The following SLC12A7 variants were observed in gnomAD, a reference collection of about 807,000 sequenced individuals.
SLC12A7 encodes the protein K-Cl cotransporter 4.
In SLC12A7, 100 loss-of-function variants were observed where a neutral mutation model predicts 120.6. The observed-to-expected ratio is 0.83, with a 90% CI of 0.71 to 0.98. The LOEUF is 0.98. SLC12A7 is among the 50% of genes least tolerant of loss of function. The pLI is 0.00. For missense variants in SLC12A7, 1,373 were observed against 1,548.1 expected, an observed-to-expected ratio of 0.89 and a Z score of 1.90; for synonymous variants, 760 against 678.0, an observed-to-expected ratio of 1.12 and a Z score of -1.88.
intron 7 of SLC12A7, among the ~76,000 whole-genome samples, chr5:1,084,737 AG>A: frequency 6.6e-6 from 1 of 152,242 alleles, no homozygotes; most frequent in East Asian, 1.9e-4. Context: ...GGGAGCCTCA[AG>A]GGGCTTGGCT....
At chr5:1,143,606 G>A in the SLC12A7 span, among the ~76,000 whole-genome samples, 1 of 152,176 alleles carries the variant, frequency 6.6e-6, no homozygotes, top group Non-Finnish European at 1.5e-5. Context: ...CTGGGGGCAC[G>A]ACTCAGTCGG....
chr5:1,086,395 A>G (rs1739863174), intron 6 of SLC12A7, among the ~76,000 whole-genome samples: 1 of 152,168 alleles, frequency 6.6e-6, no homozygotes, highest in Non-Finnish European at 1.5e-5. Flanking sequence ...AGGACCAAGG[A>G]ACTCAGGCCA....
rs372308140 is a variant in SLC12A7, at chr5:1,086,896, C to T, written c.675+7G>A. The T allele has an allele frequency of 2.4e-4, 381 of 1,612,280 alleles. 2 individuals are homozygous for T. Among genetic ancestry groups the T allele is most frequent in the Non-Finnish European group, 5.3e-5 (62 of 1,179,580 alleles). On this transcript the variant is annotated splice_region_variant and intron_variant, in intron 6 of 23. Transcript: ENST00000264930. ...GGGTGGGAACCCTTCCAAAGCAGCACACTTACCAGAAAAATCTCGATGGTC... is the reference window on the plus strand; with the variant it reads ...GGGTGGGAACCCTTCCAAAGCAGCATACTTACCAGAAAAATCTCGATGGTC...
At chr5:1,107,672 G>C (rs115502922) in intron 1 of SLC12A7, among the ~76,000 whole-genome samples, 1 of 152,196 alleles carries the variant, frequency 6.6e-6, no homozygotes, top group Non-Finnish European at 1.5e-5. Flanking sequence ...CAGACCACGG[G>C]AGAGGCACTG....
Position 1,088,313 on chromosome 5 carries a change from C to T in SLC12A7, c.537G>A (p.Val179=). 1 of 1,586,676 alleles carries T rather than the reference C, an allele frequency of 6.3e-7. No homozygotes were observed. The highest frequency in any genetic ancestry group is 8.6e-7 in the Non-Finnish European group (1 of 1,167,190). Residue 179 remains valine, a synonymous_variant, in exon 5 of 24, where the codon GTG becomes GTA. Coordinates refer to ENST00000264930, the MANE Select transcript of SLC12A7 (RefSeq NM_006598.3). ...ISMSAIATNG[V]VPAGGSYYMI... is the part of the protein sequence containing the mutation. ...CTGGCGGGCACCCCTTACCTGGGAC[C>T]ACACCGTTGGTAGCGATCGCACTCA...
At chr5:1,109,082 G>A (rs1271502136) in intron 1 of SLC12A7, among the ~76,000 whole-genome samples, 1 of 152,180 alleles carries the variant, frequency 6.6e-6, no homozygotes, top group East Asian at 1.9e-4. Flanking sequence ...CCCTCTCCCA[G>A]CCCAGGGAGC....
chr5:1,087,904 T>C (rs923475288), intron 5 of SLC12A7, among the ~76,000 whole-genome samples: 1 of 152,256 alleles, frequency 6.6e-6, no homozygotes, highest in African/African-American at 2.4e-5. Context: ...TTATTATGTA[T>C]TGTAATTAAC....
intron 1 of SLC12A7, among the ~76,000 whole-genome samples, chr5:1,099,927 G>A (rs778321951): frequency 1.3e-5 from 2 of 152,030 alleles, no homozygotes; most frequent in African/African-American, 2.4e-5. Flanking sequence ...GGCCTGGCCC[G>A]CCCCACTTCG....
chr5:1,057,254 C>T, intron 22 of SLC12A7: 1 of 532,052 alleles, frequency 1.9e-6, no homozygotes, highest in East Asian at 3.2e-5. Flanking sequence ...TAGAAGGATC[C>T]CTCAGCGCCC....
rs199991296 is a variant in SLC12A7, at chr5:1,074,689, G to A, written c.1968-18C>T. The A allele has an allele frequency of 9.9e-5, 159 of 1,610,680 alleles. No homozygotes were observed. Among genetic ancestry groups the A allele is most frequent in the East Asian group, 8.0e-4 (36 of 44,856 alleles). ...TCTCGGCCCTGTGGGAAAGGAAGTC[G>A]GGGTTTGTCCAGCCGCGTACCTGGA... On this transcript the variant is annotated intron_variant, in intron 15 of 23. Coordinates refer to ENST00000264930, the MANE Select transcript of SLC12A7 (RefSeq NM_006598.3).
intron 5 of SLC12A7, among the ~76,000 whole-genome samples, chr5:1,087,325 A>G (rs530217268): frequency 1.3e-5 from 2 of 152,314 alleles, no homozygotes; most frequent in South Asian, 2.1e-4. Flanking sequence ...GGTCCCAGAA[A>G]AAGTCCCGCG....
chr5:1,138,457 C>G, the SLC12A7 span, among the ~76,000 whole-genome samples: 2 of 152,294 alleles, frequency 1.3e-5, no homozygotes, highest in East Asian at 3.9e-4. Context: ...AATCCTTTAG[C>G]TAGACAGAAA....
the SLC12A7 span, among the ~76,000 whole-genome samples, chr5:1,139,981 C>T: frequency 5.9e-5 from 9 of 152,302 alleles, no homozygotes; most frequent in South Asian, 2.1e-4. Flanking sequence ...CGGACCAGGC[C>T]GGGACATGCT....
chr5:1,075,128 C>T (rs955868367), intron 15 of SLC12A7, among the ~76,000 whole-genome samples: 11 of 152,196 alleles, frequency 7.2e-5, no homozygotes, highest in Admixed American at 1.3e-4. Context: ...GAGGACGGCA[C>T]GAGACAGAGC....
chr5:1,140,715 C>T, the SLC12A7 span, among the ~76,000 whole-genome samples: 1 of 152,252 alleles, frequency 6.6e-6, no homozygotes. Context: ...AGGGCGGAGC[C>T]CAGGGCCCCG....
chr5:1,054,931 A>G lies in SLC12A7; in HGVS notation c.3027-1449T>C, dbSNP rs561348904. On this transcript the variant is annotated intron_variant, in intron 22 of 23. Transcript: ENST00000264930. ...GACTTCTGGATAGACCACAATTACCAGTGTGTTTGGGGACAAAGAGCAGCT... is the reference window on the plus strand; with the variant it reads ...GACTTCTGGATAGACCACAATTACCGGTGTGTTTGGGGACAAAGAGCAGCT... Among the ~76,000 whole-genome samples the G allele has an allele frequency of 5.3e-5, 8 of 152,298 alleles. No homozygotes were observed. The East Asian group carries it at 1.5e-3, about 29-fold the overall frequency.
chr5:1,099,829 C>T (rs773918363), intron 1 of SLC12A7, among the ~76,000 whole-genome samples: 4 of 152,208 alleles, frequency 2.6e-5, no homozygotes, highest in Non-Finnish European at 5.9e-5. Flanking sequence ...TTAAAACCAG[C>T]GATAGGAACG....
At chr5:1,073,365 C>G (rs1053441217) in intron 17 of SLC12A7, among the ~76,000 whole-genome samples, 9 of 152,206 alleles carry the variant, frequency 5.9e-5, no homozygotes, top group Non-Finnish European at 1.0e-4. Context: ...CGGCTCTGGA[C>G]GGGGCTCACC....
In SLC12A7 at chr5:1,088,445, CG is replaced by C. The variant is rs372806280; in HGVS notation, c.490-86del. ...CACTCCCAAGTCAGGGTCTATGACC[CG>C]GCTCCCGCCGAATGCCAGCCCCCAA... On this transcript the variant is annotated intron_variant, in intron 4 of 23. Coordinates refer to ENST00000264930, the MANE Select transcript of SLC12A7 (RefSeq NM_006598.3). 1.0e-4 allele frequency: 141 copies of C among 1,411,968 alleles called. No homozygotes were observed. The African/African-American group carries it at 1.6e-3, about 17-fold the overall frequency. The allele number at this position is 1,411,968 out of a possible 1,614,324, so 87.5% of individuals were successfully genotyped here. A position where few individuals can be genotyped will look rare whatever the true frequency, so the allele number is the denominator to read the frequency against.
Sources: allele counts gnomAD v4.1 joint callset (sites outside exome capture counted in the v4.1 genomes callset), GRCh38; gene constraint gnomAD v4.1.1; transcripts MANE v1.5; gene names NCBI Gene and HGNC (gene_info 2026-07-23, HGNC 2026-07-21).